PRKAR2A: variants seen among roughly 807,000 people sequenced by gnomAD.
PRKAR2A encodes protein kinase cAMP-dependent type II regulatory subunit alpha.
A neutral mutation model predicts 51.9 loss-of-function variants in PRKAR2A; 29 were observed. The ratio of observed to expected loss-of-function variants is 0.56; its 90% CI spans 0.42 to 0.76. PRKAR2A has a LOEUF of 0.76. Ranked by LOEUF, PRKAR2A falls within the 30% of genes least tolerant of loss-of-function variation. The probability of loss-of-function intolerance (pLI) is 0.00; values close to 1 mark genes in which losing one functional copy is unlikely to be tolerated. For synonymous variants in PRKAR2A, 178 were observed against 186.2 expected, an observed-to-expected ratio of 0.96 and a Z score of 0.36; for missense variants, 445 against 512.1, an observed-to-expected ratio of 0.87 and a Z score of 1.26.
chr3:48,773,257 C>G (rs2082055108), intron 5 of PRKAR2A, 149 bp from the exon 6 acceptor site: 2 of 603,988 alleles, frequency 3.3e-6, no homozygotes, highest in African/African-American at 1.9e-5. Context: ...TGTATTTTGA[C>G]TTTGTACTGT....
chr3:48,810,757 ATAT>A (rs1253727641), intron 1 of PRKAR2A, among the ~76,000 whole-genome samples: 5 of 152,214 alleles, frequency 3.3e-5, no homozygotes, highest in Admixed American at 6.5e-5. Context: ...CATAATCATT[ATAT>A]TATCATATAT....
chr3:48,782,565 C>T (rs2082217179), intron 5 of PRKAR2A, among the ~76,000 whole-genome samples: 1 of 152,022 alleles, frequency 6.6e-6, no homozygotes, highest in Non-Finnish European at 1.5e-5. Context: ...AAGTGATTCT[C>T]CAGCCTCAGC....
intron 6 of PRKAR2A, 87 bp downstream of exon 6, chr3:48,772,868 T>C (rs2082048427): frequency 7.4e-7 from 1 of 1,353,894 alleles, no homozygotes; most frequent in African/African-American, 1.5e-5. Context: ...GGCTGTAAGA[T>C]ATAGTGTAAA....
chr3:48,837,306 AAAATAAGAAGAAATGCAACTGAC>A (rs1399574381), intron 1 of PRKAR2A, among the ~76,000 whole-genome samples: 1 of 152,154 alleles, frequency 6.6e-6, no homozygotes, highest in Non-Finnish European at 1.5e-5. Flanking sequence ...CCTATCTTAA[AAAATAAGAAGAAATGCAACTGAC>A]AAATACATGG....
intron 4 of PRKAR2A, among the ~76,000 whole-genome samples, chr3:48,785,698 G>A (rs1575875729): frequency 6.6e-6 from 1 of 152,250 alleles, no homozygotes; most frequent in East Asian, 1.9e-4. Flanking sequence ...TGCCTAGCCA[G>A]AAAATATTCT....
rs2083328261 is a variant in PRKAR2A, at chr3:48,838,822, A to G, written c.262+8513T>C. On this transcript the variant is annotated intron_variant, in intron 1 of 10. Transcript: ENST00000265563. ...TGAAACCCTGTCTCTACTAAAAAAA[A>G]AAATACAAAAAATTAGCTAGGCATG... Among the ~76,000 whole-genome samples, 2 of 150,140 alleles carry G rather than the reference A, an allele frequency of 1.3e-5. 1 individual carries two copies. The highest frequency in any genetic ancestry group is 4.2e-4 in the South Asian group (2 of 4,770).
chr3:48,770,758 G>A (rs2082018168), intron 6 of PRKAR2A, among the ~76,000 whole-genome samples: 1 of 152,182 alleles, frequency 6.6e-6, no homozygotes, highest in African/African-American at 2.4e-5. Flanking sequence ...CCATGGCCAT[G>A]GGGAGCTTGT....
At chr3:48,828,260 C>A (rs573016648) in intron 1 of PRKAR2A, among the ~76,000 whole-genome samples, 2 of 152,108 alleles carry the variant, frequency 1.3e-5, no homozygotes, top group African/African-American at 4.8e-5. Flanking sequence ...TACAAACAGG[C>A]GTGATCATGG....
intron 8 of PRKAR2A, among the ~76,000 whole-genome samples, chr3:48,757,356 C>A (rs1452709089): frequency 6.6e-6 from 1 of 152,140 alleles, no homozygotes; most frequent in Non-Finnish European, 1.5e-5. Flanking sequence ...CCTCCTAGAT[C>A]AAAATAGAAA....
At chr3:48,751,758 A>C (rs1369876260) in intron 10 of PRKAR2A, 40 bp from the exon 11 acceptor site, 1 of 1,584,440 alleles carries the variant, frequency 6.3e-7, no homozygotes, top group African/African-American at 1.3e-5. Context: ...AATGAATTCA[A>C]GCCATTTCCC....
In PRKAR2A at chr3:48,793,999, T is replaced by C. The variant is rs749291577; in HGVS notation, c.349A>G (p.Arg117Gly). 17 of 1,600,966 alleles carry C rather than the reference T, an allele frequency of 1.1e-5. No homozygotes were observed. Among genetic ancestry groups the C allele is most frequent in the Non-Finnish European group, 1.4e-5 (16 of 1,168,342 alleles). ...AACATCTTTGCTTTGGGTCTTACCC[T>C]TGGATCTGTATCTTCCTCTTCCTCA... is the stretch of plus-strand genomic sequence containing the variant. ...PDEEEEDTDP[R>G]VIHPKTDEQR... The change falls in exon 3 of 11, where the codon AGG (arginine) becomes GGG (glycine). Residue 117 changes from arginine (R) to glycine (G), a missense_variant and splice_region_variant. Arg to Gly is a moderately radical substitution (Grantham distance 125, BLOSUM62 -2). Transcript: ENST00000265563.
At chr3:48,841,048 A>AT (rs1211940443) in intron 1 of PRKAR2A, among the ~76,000 whole-genome samples, 2,170 of 139,548 alleles carry the variant, frequency 0.016, 30 homozygotes, top group Non-Finnish European at 0.024. Context: ...CACCCAGCTA[A>AT]TTTTTTTTTT....
At chr3:48,781,347 AT>A (rs890105435) in intron 5 of PRKAR2A, among the ~76,000 whole-genome samples, 51 of 135,822 alleles carry the variant, frequency 3.8e-4, no homozygotes, top group South Asian at 7.0e-4. Flanking sequence ...TGTATTTACA[AT>A]TTTTTTTTTT....
At chr3:48,841,679 T>G (rs139210323) in intron 1 of PRKAR2A, among the ~76,000 whole-genome samples, 5 of 152,282 alleles carry the variant, frequency 3.3e-5, no homozygotes, top group Non-Finnish European at 7.4e-5. Flanking sequence ...TGAACCATTT[T>G]ACATTCCCAT....
intron 5 of PRKAR2A, among the ~76,000 whole-genome samples, chr3:48,781,599 G>A (rs373270894): frequency 6.6e-6 from 1 of 151,894 alleles, no homozygotes; most frequent in East Asian, 1.9e-4. Flanking sequence ...TGCAGCCTCT[G>A]CCTCCCAGGT....
At chr3:48,786,914 T>C (rs1343210149) in intron 4 of PRKAR2A, among the ~76,000 whole-genome samples, 3 of 152,060 alleles carry the variant, frequency 2.0e-5, no homozygotes, top group Admixed American at 2.0e-4. Flanking sequence ...ATTTCTGTGG[T>C]AGTCTCGCCA....
chr3:48,751,801 ATGT>A (rs1402373106), intron 10 of PRKAR2A, 83 bp from the exon 11 acceptor site: 2 of 1,497,766 alleles, frequency 1.3e-6, no homozygotes, highest in African/African-American at 2.8e-5. Flanking sequence ...ATACCCATTC[ATGT>A]TGTATGAGAT....
At position 48,748,334 on chromosome 3, in the gene PRKAR2A, C is replaced by G. The variant is rs1283913193; in HGVS notation, c.*3251G>C. On this transcript the variant is annotated 3_prime_UTR_variant, in exon 11 of 11. Coordinates refer to ENST00000265563, the MANE Select transcript of PRKAR2A (RefSeq NM_004157.4). ...TTCTTGGTAGAGACAGGGTCTCCCT[C>G]TGTTGCCCAGGATGGTTTGGAACTC... 1.4e-5 allele frequency: 2 copies of G among 145,014 alleles called. No homozygotes were observed. The highest frequency in any genetic ancestry group is 4.0e-4 in the East Asian group (2 of 4,944). The allele number at this position is 145,014 out of a possible 1,614,324, so 9.0% of individuals were successfully genotyped here.
At chr3:48,757,882 C>G (rs898710204) in intron 8 of PRKAR2A, among the ~76,000 whole-genome samples, 1 of 146,856 alleles carries the variant, frequency 6.8e-6, no homozygotes, top group Non-Finnish European at 1.5e-5. Flanking sequence ...ATGGTGAAGC[C>G]CCATCTCTAC....
Sources: gnomAD v4.1 joint callset for allele counts (sites outside exome capture counted in the v4.1 genomes callset) on GRCh38, gnomAD v4.1.1 for gene constraint, MANE v1.5 for transcripts, NCBI Gene and HGNC (gene_info 2026-07-23, HGNC 2026-07-21) for gene names.